CDKN2B-AS1: variants seen among roughly 807,000 people sequenced by gnomAD.
CDKN2B-AS1 encodes CDKN2B and CDKN2A antisense cis and trans regulatory RNA 1.
chr9:22,117,254 T>C (rs1217516166), intron 4 of CDKN2B-AS1, among the ~76,000 whole-genome samples: 3 of 152,254 alleles, frequency 2.0e-5, no homozygotes, highest in Admixed American at 2.0e-4. Flanking sequence ...ATTTTTAATT[T>C]AACCTACTTG....
intron 1 of CDKN2B-AS1, among the ~76,000 whole-genome samples, chr9:22,046,097 G>A (rs943767065): frequency 3.3e-5 from 5 of 152,004 alleles, no homozygotes; most frequent in African/African-American, 4.8e-5. Flanking sequence ...AAATTTCTCT[G>A]TAGCAAATGG....
At chr9:22,030,612 C>G (rs1199941785) in intron 1 of CDKN2B-AS1, 1 of 152,120 alleles carries the variant, frequency 6.6e-6, no homozygotes, top group Non-Finnish European at 1.5e-5. Context: ...GTAGATTTTA[C>G]TCAGGCTTCA....
intron 1 of CDKN2B-AS1, among the ~76,000 whole-genome samples, chr9:22,013,114 C>T (rs1316331532): frequency 1.3e-5 from 2 of 152,160 alleles, no homozygotes; most frequent in Non-Finnish European, 2.9e-5. Flanking sequence ...GCCCCTGGAT[C>T]TCTTGTGTGT....
chr9:22,120,029 A>T (rs544684019), intron 4 of CDKN2B-AS1: 2 of 152,308 alleles, frequency 1.3e-5, no homozygotes, highest in South Asian at 4.1e-4. Context: ...ACTGATATTA[A>T]ACCTTTATGA....
chr9:22,008,995 T>G, intron 1 of CDKN2B-AS1: 2 of 1,613,440 alleles, frequency 1.2e-6, no homozygotes, highest in East Asian at 2.2e-5. Context: ...TAATCCACCG[T>G]TGGCCGTAAA....
rs547062029 is a variant in CDKN2B-AS1, at chr9:22,021,179, A to T, written n.30-25572A>T. ...TTGTCAGGTTTGTTGAAGATCAGAT[A>T]GTTGGAGGTGTGTAGTCTCATTTCT... On this transcript the variant is annotated intron_variant and non_coding_transcript_variant, in intron 1 of 4. Transcript: ENST00000650946. 1.7e-3 allele frequency among the ~76,000 whole-genome samples: 254 copies of T among 152,226 alleles called. 5 individuals carry two copies. Among genetic ancestry groups the T allele is most frequent in the African/African-American group, 5.8e-3 (243 of 41,556 alleles).
intron 4 of CDKN2B-AS1, among the ~76,000 whole-genome samples, chr9:22,072,950 G>A (rs767818394): frequency 2.0e-5 from 3 of 152,282 alleles, no homozygotes; most frequent in South Asian, 2.1e-4. Context: ...GTATGAAAGC[G>A]TTTATGAGAG....
At chr9:22,047,961 TA>T (rs1823180114) in intron 2 of CDKN2B-AS1, among the ~76,000 whole-genome samples, 1 of 106,840 alleles carries the variant, frequency 9.4e-6, no homozygotes, top group Non-Finnish European at 1.9e-5. Flanking sequence ...CTAATTTTTG[TA>T]TTTTTTTTTT....
intron 4 of CDKN2B-AS1, among the ~76,000 whole-genome samples, chr9:22,059,703 C>A (rs1194766488): frequency 2.6e-5 from 4 of 152,258 alleles, no homozygotes; most frequent in Non-Finnish European, 5.9e-5. Context: ...TTCTGCACTG[C>A]CCTAGCAGAG....
At chr9:22,071,285 C>A in intron 4 of CDKN2B-AS1, among the ~76,000 whole-genome samples, 1 of 67,588 alleles carries the variant, frequency 1.5e-5, no homozygotes, top group East Asian at 4.7e-4. Flanking sequence ...AAATATCTAG[C>A]TTTTTTTTTT....
At chr9:22,008,621 C>G in intron 1 of CDKN2B-AS1, 9 of 1,565,082 alleles carry the variant, frequency 5.8e-6, no homozygotes, top group Non-Finnish European at 7.8e-6. Context: ...TTTTCAATGT[C>G]TCTCTTTAGG....
intron 4 of CDKN2B-AS1, among the ~76,000 whole-genome samples, chr9:22,079,840 C>T (rs1036534542): frequency 3.9e-5 from 6 of 152,228 alleles, no homozygotes; most frequent in Non-Finnish European, 1.5e-5. Context: ...TCTAGCCTCA[C>T]ATTGCATTTG....
chr9:22,117,471 T>G (rs145679559), intron 4 of CDKN2B-AS1: 2 of 151,720 alleles, frequency 1.3e-5, no homozygotes, highest in Non-Finnish European at 2.9e-5. Flanking sequence ...AGAAGGAAAA[T>G]AGGAAAAACA....
At chr9:22,065,284 T>G in intron 4 of CDKN2B-AS1, among the ~76,000 whole-genome samples, 1 of 152,196 alleles carries the variant, frequency 6.6e-6, no homozygotes, top group East Asian at 1.9e-4. Flanking sequence ...AAGGACATCT[T>G]TAGCTCCTGG....
At chr9:22,012,994 C>T (rs964836565) in intron 1 of CDKN2B-AS1, among the ~76,000 whole-genome samples, 1 of 152,208 alleles carries the variant, frequency 6.6e-6, no homozygotes, top group Admixed American at 6.5e-5. Context: ...GCTTAAACAA[C>T]AAATATTTAT....
chr9:22,126,473 G>T (rs1485947709), intron 4 of CDKN2B-AS1, among the ~76,000 whole-genome samples: 2 of 151,810 alleles, frequency 1.3e-5, no homozygotes, highest in African/African-American at 4.8e-5. Context: ...ATTGGCCAAG[G>T]TTTAGTTGAG....
chr9:22,019,733 A>G (rs10757264), intron 1 of CDKN2B-AS1, among the ~76,000 whole-genome samples: 88,529 of 152,008 alleles, frequency 0.58, 26,684 homozygotes, highest in African/African-American at 0.7. Flanking sequence ...AATTTTCTCT[A>G]TACTGAAATG....
At chr9:22,111,082 A>G (rs927327752) in intron 4 of CDKN2B-AS1, among the ~76,000 whole-genome samples, 1 of 152,158 alleles carries the variant, frequency 6.6e-6, no homozygotes, top group African/African-American at 2.4e-5. Flanking sequence ...ATTGTTGGAT[A>G]TTTGAGTTGT....
chr9:22,104,445 G>A (rs1475525022), intron 4 of CDKN2B-AS1, among the ~76,000 whole-genome samples: 1 of 152,190 alleles, frequency 6.6e-6, no homozygotes, highest in Admixed American at 6.5e-5. Flanking sequence ...TTTTGGGGAT[G>A]AGGGAGACTC....
Sources: allele counts gnomAD v4.1 joint callset (sites outside exome capture counted in the v4.1 genomes callset), GRCh38; gene constraint gnomAD v4.1.1; transcripts MANE v1.5; gene names NCBI Gene and HGNC (gene_info 2026-07-23, HGNC 2026-07-21).